SEMA3A: variants seen among roughly 807,000 people sequenced by gnomAD.
SEMA3A encodes semaphorin 3A.
In SEMA3A, 29 loss-of-function variants were observed where a neutral mutation model predicts 97.9. The observed-to-expected ratio is 0.30, with a 90% CI of 0.22 to 0.40. SEMA3A has a LOEUF of 0.40. Ranked by LOEUF, SEMA3A falls within the 10% of genes least tolerant of loss-of-function variation. The probability of loss-of-function intolerance (pLI) is 1.00; values close to 1 mark genes in which losing one functional copy is unlikely to be tolerated. For synonymous variants in SEMA3A, 321 were observed against 323.7 expected, an observed-to-expected ratio of 0.99 and a Z score of 0.09; for missense variants, 763 against 951.3, an observed-to-expected ratio of 0.80 and a Z score of 2.60.
chr7:84,315,410 T>A (rs1801472131), intron 2 of SEMA3A, among the ~76,000 whole-genome samples: 1 of 152,270 alleles, frequency 6.6e-6, no homozygotes, highest in African/African-American at 2.4e-5. Flanking sequence ...ATACGCAGGA[T>A]TTTGAGCTCT....
Position 84,048,738 on chromosome 7 carries a change from C to A in SEMA3A, c.548-2295G>T, listed in dbSNP as rs188111120. Among the ~76,000 whole-genome samples, 19 of 151,812 alleles carry A rather than the reference C, an allele frequency of 1.3e-4. No homozygotes were observed. In the East Asian group the frequency reaches 3.5e-3, roughly 28 times the overall value. On this transcript the variant is annotated intron_variant, in intron 5 of 16. Coordinates refer to ENST00000265362, the MANE Select transcript of SEMA3A (RefSeq NM_006080.3). ...ATTTAATATCAGGATTTAGTCAGAC[C>A]ATGTCAACAGGAGGTTTAATAGGAA...
At chr7:84,109,791 G>A (rs1030956358) in intron 4 of SEMA3A, among the ~76,000 whole-genome samples, 3 of 152,154 alleles carry the variant, frequency 2.0e-5, no homozygotes, top group Non-Finnish European at 4.4e-5. Flanking sequence ...AATTACAAGA[G>A]GGTTTATAAT....
At chr7:84,014,063 T>C in intron 7 of SEMA3A, 146 bp downstream of exon 7, 1 of 645,130 alleles carries the variant, frequency 1.6e-6, no homozygotes, top group Non-Finnish European at 2.6e-6. Context: ...AACTATAATA[T>C]TCAATCATTA....
intron 1 of SEMA3A, among the ~76,000 whole-genome samples, chr7:84,389,855 A>G (rs1406762266): frequency 1.3e-5 from 2 of 152,154 alleles, no homozygotes; most frequent in Non-Finnish European, 2.9e-5. Context: ...GAACAGATAA[A>G]ATTGTAATCA....
intron 4 of SEMA3A, among the ~76,000 whole-genome samples, chr7:84,095,114 CTCTA>C (rs1424047822): frequency 6.8e-5 from 10 of 147,632 alleles, no homozygotes; most frequent in Non-Finnish European, 7.4e-5. Context: ...CTGTGGATCT[CTCTA>C]TATATTGCAT....
chr7:84,410,177 G>A (rs942457595), intron 1 of SEMA3A, among the ~76,000 whole-genome samples: 1 of 152,098 alleles, frequency 6.6e-6, no homozygotes, highest in Non-Finnish European at 1.5e-5. Flanking sequence ...GTAACTGTCT[G>A]CTCTTAAAGA....
chr7:84,140,896 T>A (rs982249299), intron 1 of SEMA3A, among the ~76,000 whole-genome samples: 1 of 152,176 alleles, frequency 6.6e-6, no homozygotes, highest in Non-Finnish European at 1.5e-5. Flanking sequence ...GCCATTTTAT[T>A]TTATGAACAA....
At chr7:84,333,936 A>G (rs1346712985) in intron 2 of SEMA3A, among the ~76,000 whole-genome samples, 2 of 152,158 alleles carry the variant, frequency 1.3e-5, no homozygotes, top group African/African-American at 4.8e-5. Context: ...CACTTTCTGG[A>G]TTGTGCTATA....
At chr7:84,443,775 C>G (rs533056643) in intron 1 of SEMA3A, among the ~76,000 whole-genome samples, 1 of 152,094 alleles carries the variant, frequency 6.6e-6, no homozygotes, top group Admixed American at 6.5e-5. Flanking sequence ...AAGCAAAATT[C>G]CTTGAGCATT....
At chr7:84,479,346 AGCAAACG>A (rs1204983147) in intron 1 of SEMA3A, among the ~76,000 whole-genome samples, 3 of 152,218 alleles carry the variant, frequency 2.0e-5, no homozygotes, top group African/African-American at 7.2e-5. Context: ...CCAATTAAAC[AGCAAACG>A]GGGGATACAG....
intron 1 of SEMA3A, among the ~76,000 whole-genome samples, chr7:84,148,965 A>C (rs1796546505): frequency 1.3e-5 from 2 of 152,214 alleles, no homozygotes; most frequent in African/African-American, 4.8e-5. Context: ...TCTGGTCAAC[A>C]GAAGGCTGTT....
At chr7:84,416,419 T>C (rs1584307081) in intron 1 of SEMA3A, among the ~76,000 whole-genome samples, 1 of 152,206 alleles carries the variant, frequency 6.6e-6, no homozygotes, top group East Asian at 1.9e-4. Context: ...GTCTCAGGTA[T>C]GTGTTTATGA....
At chr7:84,000,825 T>G (rs1790409866) in intron 12 of SEMA3A, among the ~76,000 whole-genome samples, 1 of 152,190 alleles carries the variant, frequency 6.6e-6, no homozygotes, top group African/African-American at 2.4e-5. Context: ...CCTCATTTTT[T>G]CTTTAAAATA....
chr7:83,995,487 A>T (rs1285634635), intron 12 of SEMA3A, among the ~76,000 whole-genome samples: 1 of 152,218 alleles, frequency 6.6e-6, no homozygotes, highest in Admixed American at 6.5e-5. Flanking sequence ...TATTTAGACC[A>T]GGAAATTAAT....
chr7:84,067,392 C>T (rs971781493), intron 4 of SEMA3A, among the ~76,000 whole-genome samples: 13 of 152,062 alleles, frequency 8.5e-5, no homozygotes, highest in African/African-American at 2.9e-4. Flanking sequence ...ACACCAAAAG[C>T]CATGGCAACA....
intron 15 of SEMA3A, among the ~76,000 whole-genome samples, chr7:83,966,821 C>A (rs976325541): frequency 6.6e-6 from 1 of 151,974 alleles, no homozygotes; most frequent in Admixed American, 6.6e-5. Flanking sequence ...AAGCGATTCT[C>A]CTGCCTCAGA....
At chr7:84,338,709 A>C (rs1802093801) in intron 2 of SEMA3A, among the ~76,000 whole-genome samples, 1 of 152,180 alleles carries the variant, frequency 6.6e-6, no homozygotes, top group Admixed American at 6.6e-5. Flanking sequence ...ACAAATCCTT[A>C]AATTCCAGTT....
intron 2 of SEMA3A, among the ~76,000 whole-genome samples, chr7:84,341,046 A>G (rs957381435): frequency 7.2e-5 from 11 of 152,222 alleles, no homozygotes; most frequent in Non-Finnish European, 1.0e-4. Flanking sequence ...GGTGATGGTT[A>G]TATTTCCATG....
chr7:84,395,991 GCAGAATCA>G (rs1803721799), intron 1 of SEMA3A, among the ~76,000 whole-genome samples: 2 of 152,038 alleles, frequency 1.3e-5, no homozygotes, highest in Non-Finnish European at 2.9e-5. Context: ...TTGCATTAAA[GCAGAATCA>G]AGAACTGGAA....
Sources: gnomAD v4.1 joint callset for allele counts (sites outside exome capture counted in the v4.1 genomes callset) on GRCh38, gnomAD v4.1.1 for gene constraint, MANE v1.5 for transcripts, NCBI Gene and HGNC (gene_info 2026-07-23, HGNC 2026-07-21) for gene names.